The following ASCC3 variants were observed in gnomAD, a reference collection of about 807,000 sequenced individuals.
The protein encoded by ASCC3 is ASC-1 complex subunit P200.
In ASCC3, 158 loss-of-function variants were observed where a neutral mutation model predicts 256.3. The ratio of observed to expected loss-of-function variants is 0.62; its 90% CI spans 0.54 to 0.70. ASCC3 has a LOEUF of 0.70. Ranked by LOEUF, ASCC3 falls within the 30% of genes least tolerant of loss-of-function variation. The pLI is 0.00. For synonymous variants in ASCC3, 948 were observed against 883.4 expected (o/e 1.07, Z -1.30); for missense variants, 2,259 against 2,626.0 (o/e 0.86, Z 3.05).
At chr6:100,571,890 TAG>T (rs1381409421) in intron 36 of ASCC3, among the ~76,000 whole-genome samples, 1 of 152,230 alleles carries the variant, frequency 6.6e-6, no homozygotes, top group African/African-American at 2.4e-5. Context: ...CAGTGAAAAC[TAG>T]AGTTATCACC....
chr6:100,569,034 C>G (rs1221928772), intron 36 of ASCC3, among the ~76,000 whole-genome samples: 1 of 152,020 alleles, frequency 6.6e-6, no homozygotes, highest in East Asian at 1.9e-4. Flanking sequence ...TTGCCTCGGC[C>G]TAGTCATAAA....
chr6:100,850,098 CAAAAAA>C (rs61582863), intron 3 of ASCC3, among the ~76,000 whole-genome samples: 14 of 80,618 alleles, frequency 1.7e-4, no homozygotes, highest in African/African-American at 4.1e-4. Context: ...GAGACTCTAT[CAAAAAA>C]AAAAAAAAAA....
At chr6:100,791,602 G>A (rs932715999) in intron 8 of ASCC3, among the ~76,000 whole-genome samples, 1 of 151,984 alleles carries the variant, frequency 6.6e-6, no homozygotes, top group Non-Finnish European at 1.5e-5. Flanking sequence ...TCTCCAAGAA[G>A]TCTTCATTAA....
intron 36 of ASCC3, among the ~76,000 whole-genome samples, chr6:100,550,705 T>C (rs1417229881): frequency 6.6e-6 from 1 of 151,808 alleles, no homozygotes; most frequent in Non-Finnish European, 1.5e-5. Context: ...ATTTCAACTC[T>C]GTTAGAATTT....
At chr6:100,805,182 T>C (rs1770110824) in intron 5 of ASCC3, among the ~76,000 whole-genome samples, 1 of 152,180 alleles carries the variant, frequency 6.6e-6, no homozygotes, top group Non-Finnish European at 1.5e-5. Context: ...TAGAATGTTT[T>C]AATTAATCAT....
chr6:100,603,662 T>C (rs918717959), intron 33 of ASCC3, among the ~76,000 whole-genome samples: 4 of 152,140 alleles, frequency 2.6e-5, no homozygotes, highest in African/African-American at 7.2e-5. Flanking sequence ...TAAATAGGTA[T>C]GGAATTTCAT....
At chr6:100,549,500 A>T (rs1769183252) in intron 36 of ASCC3, among the ~76,000 whole-genome samples, 1 of 151,732 alleles carries the variant, frequency 6.6e-6, no homozygotes, top group African/African-American at 2.4e-5. Flanking sequence ...TTTTCTTTGA[A>T]GTCATTTGCC....
At chr6:100,515,966 G>A (rs1318704851) in intron 39 of ASCC3, among the ~76,000 whole-genome samples, 1 of 152,124 alleles carries the variant, frequency 6.6e-6, no homozygotes, top group Non-Finnish European at 1.5e-5. Context: ...GTCAAGAACT[G>A]TATAAAGCAG....
intron 34 of ASCC3, among the ~76,000 whole-genome samples, chr6:100,595,472 A>C (rs190097732): frequency 1.3e-5 from 2 of 152,186 alleles, no homozygotes; most frequent in Non-Finnish European, 2.9e-5. Context: ...AAATTTACTT[A>C]GGCACATTTT....
At chr6:100,782,529 A>G (rs1426409499) in intron 8 of ASCC3, among the ~76,000 whole-genome samples, 1 of 152,200 alleles carries the variant, frequency 6.6e-6, no homozygotes, top group African/African-American at 2.4e-5. Flanking sequence ...CCTTCGGCCT[A>G]TCTAGCAATT....
At chr6:100,787,695 C>T (rs139174976) in intron 8 of ASCC3, among the ~76,000 whole-genome samples, 46 of 152,094 alleles carry the variant, frequency 3.0e-4, no homozygotes, top group African/African-American at 1.1e-3. Flanking sequence ...TTTTAACAAA[C>T]GTTTAACAAA....
At chr6:100,566,640 A>G (rs1019778859) in intron 36 of ASCC3, among the ~76,000 whole-genome samples, 7 of 152,148 alleles carry the variant, frequency 4.6e-5, no homozygotes, top group African/African-American at 1.7e-4. Context: ...CCTAAGGCCA[A>G]TTATTCCATT....
intron 13 of ASCC3, among the ~76,000 whole-genome samples, chr6:100,686,745 T>C (rs1224144840): frequency 2.0e-5 from 3 of 152,180 alleles, no homozygotes; most frequent in Non-Finnish European, 4.4e-5. Context: ...ATATATCTGT[T>C]GGATACATTC....
rs925506583 is a variant in ASCC3, at chr6:100,753,605, C to T, written c.1737+12960G>A. On this transcript the variant is annotated intron_variant, in intron 10 of 41. Coordinates refer to ENST00000369162, the MANE Select transcript of ASCC3 (RefSeq NM_006828.4). ...ATAGTGCACTATAGCCTGAAATTCC[C>T]GGGCTTAAGTGATCCTCCTGCCTTA... is the stretch of plus-strand genomic sequence containing the variant. Among the ~76,000 whole-genome samples, 48 of 151,922 alleles carry T rather than the reference C, an allele frequency of 3.2e-4. 1 individual carries two copies. The highest frequency in any genetic ancestry group is 1.2e-3 in the Admixed American group (18 of 15,232).
At chr6:100,795,395 T>A in intron 8 of ASCC3, among the ~76,000 whole-genome samples, 1 of 150,860 alleles carries the variant, frequency 6.6e-6, no homozygotes, top group Non-Finnish European at 1.5e-5. Flanking sequence ...AAAAAGGAAA[T>A]GGAGATAAAG....
At chr6:100,682,584 C>T (rs1777359420) in intron 13 of ASCC3, among the ~76,000 whole-genome samples, 1 of 152,168 alleles carries the variant, frequency 6.6e-6, no homozygotes, top group Non-Finnish European at 1.5e-5. Flanking sequence ...TGCATTCATC[C>T]ATCCCAAGAT....
intron 36 of ASCC3, among the ~76,000 whole-genome samples, chr6:100,581,285 G>T (rs1207155003): frequency 2.0e-5 from 3 of 152,100 alleles, no homozygotes; most frequent in Non-Finnish European, 2.9e-5. Context: ...TAACTGGTGT[G>T]AGATGGTATC....
At chr6:100,759,879 G>A (rs958175192) in intron 10 of ASCC3, among the ~76,000 whole-genome samples, 6 of 152,152 alleles carry the variant, frequency 3.9e-5, no homozygotes, top group Non-Finnish European at 7.4e-5. Flanking sequence ...CACATCGCTT[G>A]TTAGCTGTAT....
intron 5 of ASCC3, among the ~76,000 whole-genome samples, chr6:100,803,160 A>G (rs971853648): frequency 3.3e-5 from 5 of 151,828 alleles, no homozygotes; most frequent in Non-Finnish European, 7.4e-5. Flanking sequence ...AGATACTCAT[A>G]AACCTTGCTG....
Sources: gnomAD v4.1 joint callset for allele counts (sites outside exome capture counted in the v4.1 genomes callset) on GRCh38, gnomAD v4.1.1 for gene constraint, MANE v1.5 for transcripts, NCBI Gene and HGNC (gene_info 2026-07-23, HGNC 2026-07-21) for gene names.